The following CFAP54 variants were observed in gnomAD, a reference collection of about 807,000 sequenced individuals.
CFAP54 encodes cilia and flagella associated protein 54.
CFAP54 carries 290 observed loss-of-function variants against 370.4 expected under a neutral mutation model. The observed-to-expected ratio is 0.78, with a 90% confidence interval of 0.71 to 0.86. CFAP54 has a LOEUF of 0.86. Among genes scored for constraint, CFAP54 ranks in the 40% least tolerant of loss-of-function variants. The pLI, the probability that CFAP54 is intolerant of heterozygous loss-of-function variation, is 0.00. For missense variants in CFAP54, 3,399 were observed against 3,528.7 expected (o/e 0.96, Z 0.93); for synonymous variants, 1,206 against 1,236.5 (o/e 0.98, Z 0.52).
chr12:96,848,691 C>T (rs758830411), intron 66 of CFAP54, among the ~76,000 whole-genome samples: 1 of 152,006 alleles, frequency 6.6e-6, no homozygotes, highest in Admixed American at 6.6e-5. Context: ...AACGAGACTC[C>T]GTCTCAAGAA....
chr12:96,543,160 T>C (rs567726998), intron 14 of CFAP54, among the ~76,000 whole-genome samples: 43 of 152,356 alleles, frequency 2.8e-4, no homozygotes, highest in African/African-American at 1.0e-3. Flanking sequence ...TGCCTAGTTA[T>C]CCCACTTTTT....
chr12:96,701,809 C>G (rs1335392078), intron 46 of CFAP54, among the ~76,000 whole-genome samples: 1 of 151,692 alleles, frequency 6.6e-6, no homozygotes, highest in Non-Finnish European at 1.5e-5. Flanking sequence ...GGAGTCAGAT[C>G]ATGTAAGACC....
rs1393752183 is a variant in CFAP54 at position 96,615,946 on chromosome 12, A to T, written c.3640-5644A>T. 2.4e-4 allele frequency among the ~76,000 whole-genome samples: 37 copies of T among 152,332 alleles called. No homozygotes were observed. The East Asian group carries it at 4.4e-3, about 18-fold the overall frequency. The stretch of plus-strand genomic sequence containing the variant: ...TAAACTAGTTCAACCATTGTGGAAG[A>T]CAGTGTGGCGATTCCTCAGGGATCT... On this transcript the variant is annotated intron_variant, in intron 26 of 67. Coordinates refer to ENST00000524981, the MANE Select transcript of CFAP54 (RefSeq NM_001306084.2).
chr12:96,858,767 T>C (rs1357407295), intron 66 of CFAP54, among the ~76,000 whole-genome samples: 1 of 152,160 alleles, frequency 6.6e-6, no homozygotes, highest in Non-Finnish European at 1.5e-5. Context: ...TGGAAAAGCA[T>C]CCCATGCTCA....
At chr12:96,563,644 G>GT (rs1459888546) in intron 17 of CFAP54, among the ~76,000 whole-genome samples, 1 of 152,198 alleles carries the variant, frequency 6.6e-6, no homozygotes, top group Non-Finnish European at 1.5e-5. Flanking sequence ...CTTCAATGGT[G>GT]TATGTTAACA....
At chr12:96,780,278 C>T (rs1958568266) in intron 60 of CFAP54, among the ~76,000 whole-genome samples, 1 of 152,032 alleles carries the variant, frequency 6.6e-6, no homozygotes, top group Non-Finnish European at 1.5e-5. Context: ...CATAAAGGTA[C>T]CTTCTATGTT....
In CFAP54 at chr12:96,685,176, T is replaced by G; in HGVS notation, c.5952T>G (p.Phe1984Leu). The G allele has an allele frequency of 6.2e-7, 1 of 1,614,136 alleles. No homozygotes were observed. Among genetic ancestry groups the G allele is most frequent in the South Asian group, 1.1e-5 (1 of 91,086 alleles). The change falls in exon 42 of 68, where the codon TTT (phenylalanine) becomes TTG (leucine). Residue 1984 changes from phenylalanine (F) to leucine (L), a missense_variant. By Grantham distance (22) the Phe-to-Leu change is conservative. Transcript: ENST00000524981. ...PPGFKDYSEE[F>L]LSRVGIWGCL... ...GTTTCAAAGACTACAGTGAGGAGTT[T>G]CTGTCAAGAGTTGGCATCTGGGGGT...
chr12:96,865,344 C>T (rs965781436), intron 67 of CFAP54, among the ~76,000 whole-genome samples: 1 of 152,084 alleles, frequency 6.6e-6, no homozygotes, highest in Admixed American at 6.5e-5. Context: ...ATCTCAAAAG[C>T]AGGTTTAGCA....
intron 25 of CFAP54, among the ~76,000 whole-genome samples, chr12:96,595,736 T>C (rs759251370): frequency 6.6e-6 from 1 of 152,112 alleles, no homozygotes; most frequent in Non-Finnish European, 1.5e-5. Flanking sequence ...TGTAAATAGA[T>C]AGAGCATTTC....
intron 47 of CFAP54, among the ~76,000 whole-genome samples, chr12:96,707,165 G>A (rs1318433894): frequency 6.6e-6 from 1 of 152,134 alleles, no homozygotes; most frequent in Non-Finnish European, 1.5e-5. Flanking sequence ...TGGCCTGAAA[G>A]CCAAGAGGAG....
At chr12:96,873,619 T>C (rs1960218073) in intron 67 of CFAP54, among the ~76,000 whole-genome samples, 1 of 152,200 alleles carries the variant, frequency 6.6e-6, no homozygotes, top group South Asian at 2.1e-4. Context: ...TCAAACTTTT[T>C]CTATAAAGGG....
chr12:96,663,931 A>G lies in CFAP54; in HGVS notation c.5562A>G (p.Ser1854=), dbSNP rs772971655. 3 of 1,605,770 alleles carry G rather than the reference A, an allele frequency of 1.9e-6. No individual in the cohort carries two copies. Among genetic ancestry groups the G allele is most frequent in the Non-Finnish European group, 2.6e-6 (3 of 1,173,738 alleles). Residue 1854 remains serine, a splice_region_variant and synonymous_variant, in exon 39 of 68, where the codon TCA becomes TCG. Coordinates refer to ENST00000524981, the MANE Select transcript of CFAP54 (RefSeq NM_001306084.2). ...CTDLLKMLIS[S]EYSRAKALVC... Reference sequence around the variant, plus strand: ...ATTTGCTAAAAATGCTTATCTCTTCAGGTCAGAACCAATCTTAGCTTGAAT... The same window carrying G: ...ATTTGCTAAAAATGCTTATCTCTTCGGGTCAGAACCAATCTTAGCTTGAAT...
intron 19 of CFAP54, chr12:96,572,965 T>C (rs1196028070): frequency 3.0e-6 from 3 of 985,298 alleles, no homozygotes; most frequent in East Asian, 2.3e-4. Context: ...TAGTGTTCAA[T>C]TGGTTCACTG....
chr12:96,810,062 AAGG>A (rs1196050022), intron 63 of CFAP54, among the ~76,000 whole-genome samples: 1 of 152,100 alleles, frequency 6.6e-6, no homozygotes, highest in Non-Finnish European at 1.5e-5. Context: ...AGGCAAGGGA[AAGG>A]AGGAGTCTCC....
intron 5 of CFAP54, among the ~76,000 whole-genome samples, chr12:96,517,793 C>G (rs1955254498): frequency 6.6e-6 from 1 of 152,200 alleles, no homozygotes; most frequent in African/African-American, 2.4e-5. Context: ...GGTAAAGCCA[C>G]AGAAGGCCAA....
At chr12:96,724,361 T>G (rs1005376768) in intron 50 of CFAP54, among the ~76,000 whole-genome samples, 4 of 151,668 alleles carry the variant, frequency 2.6e-5, no homozygotes, top group Non-Finnish European at 4.4e-5. Context: ...TTTTAATGAT[T>G]GCCATTCTAA....
chr12:96,547,040 G>A (rs1955647897), intron 14 of CFAP54, among the ~76,000 whole-genome samples: 1 of 152,074 alleles, frequency 6.6e-6, no homozygotes, highest in Non-Finnish European at 1.5e-5. Flanking sequence ...ATGAGGGGTT[G>A]TCCCTATTTA....
chr12:96,582,239 C>T (rs1391859307), intron 22 of CFAP54, among the ~76,000 whole-genome samples: 1 of 152,126 alleles, frequency 6.6e-6, no homozygotes, highest in Non-Finnish European at 1.5e-5. Context: ...TAGGGATATA[C>T]TCATGAATTA....
chr12:96,838,846 A>C (rs979316732), intron 66 of CFAP54, among the ~76,000 whole-genome samples: 1 of 152,238 alleles, frequency 6.6e-6, no homozygotes, highest in African/African-American at 2.4e-5. Context: ...TTTAAAATGG[A>C]TGATTGTTTT....
Sources: allele counts gnomAD v4.1 joint callset (sites outside exome capture counted in the v4.1 genomes callset), GRCh38; gene constraint gnomAD v4.1.1; transcripts MANE v1.5; gene names NCBI Gene and HGNC (gene_info 2026-07-23, HGNC 2026-07-21).